Variants in SHC3 observed in about 807,000 individuals in gnomAD.
SHC3 encodes the protein SHC-transforming protein 3.
In SHC3, 15 loss-of-function variants were observed where a neutral mutation model predicts 60.4. The observed-to-expected ratio is 0.25, with a 90% CI of 0.17 to 0.38. The LOEUF (loss-of-function observed/expected upper bound fraction) is 0.38. Ranked by LOEUF, SHC3 falls within the 10% of genes least tolerant of loss-of-function variation. The pLI, the probability that SHC3 is intolerant of heterozygous loss-of-function variation, is 1.00. For missense variants in SHC3, 677 were observed against 786.1 expected (o/e 0.86, Z 1.66); for synonymous variants, 294 against 325.9 (o/e 0.90, Z 1.05).
chr9:89,066,110 A>G (rs962977855), intron 5 of SHC3, among the ~76,000 whole-genome samples: 2 of 152,172 alleles, frequency 1.3e-5, no homozygotes, highest in Non-Finnish European at 2.9e-5. Context: ...TGGTTCTCCA[A>G]TTTGAGCTGG....
chr9:89,081,617 C>G (rs573626561), intron 2 of SHC3, among the ~76,000 whole-genome samples: 2 of 152,146 alleles, frequency 1.3e-5, no homozygotes, highest in African/African-American at 2.4e-5. Flanking sequence ...ATCCCACCCC[C>G]CTAGTCCTTT....
intron 1 of SHC3, among the ~76,000 whole-genome samples, chr9:89,125,998 T>C (rs1342319331): frequency 1.3e-5 from 2 of 152,218 alleles, no homozygotes; most frequent in African/African-American, 4.8e-5. Context: ...TTGCTTCATA[T>C]TATTTCTTGT....
intron 3 of SHC3, among the ~76,000 whole-genome samples, chr9:89,077,109 G>A (rs992660032): frequency 4.0e-5 from 6 of 151,772 alleles, no homozygotes; most frequent in East Asian, 3.9e-4. Context: ...CCCAGGAGGC[G>A]GAGATTTCAG....
chr9:89,168,828 C>T (rs1826827505), intron 1 of SHC3, among the ~76,000 whole-genome samples: 1 of 152,164 alleles, frequency 6.6e-6, no homozygotes. Context: ...CTTGTCCAAT[C>T]AGTTGAGGGC....
intron 1 of SHC3, among the ~76,000 whole-genome samples, chr9:89,116,986 C>T (rs1174228874): frequency 6.6e-6 from 1 of 152,168 alleles, no homozygotes; most frequent in Non-Finnish European, 1.5e-5. Flanking sequence ...TGATGCCCTG[C>T]TCCTCTGTCA....
At chr9:89,132,078 A>G (rs1045049145) in intron 1 of SHC3, among the ~76,000 whole-genome samples, 7 of 152,222 alleles carry the variant, frequency 4.6e-5, no homozygotes, top group African/African-American at 1.7e-4. Flanking sequence ...ATACAAAATC[A>G]ATGTGCAAAA....
chr9:89,131,903 G>A (rs1321094461), intron 1 of SHC3, among the ~76,000 whole-genome samples: 1 of 152,092 alleles, frequency 6.6e-6, no homozygotes, highest in Non-Finnish European at 1.5e-5. Context: ...TGGAAGTTCT[G>A]GCCAGGGCAA....
intron 11 of SHC3, among the ~76,000 whole-genome samples, chr9:89,022,473 G>T (rs927582098): frequency 6.6e-6 from 1 of 152,156 alleles, no homozygotes; most frequent in Non-Finnish European, 1.5e-5. Flanking sequence ...CATTCACACT[G>T]TAGTCCAGCT....
chr9:89,099,489 T>C (rs1825752686), intron 2 of SHC3, among the ~76,000 whole-genome samples: 1 of 152,226 alleles, frequency 6.6e-6, no homozygotes, highest in Non-Finnish European at 1.5e-5. Flanking sequence ...GAATATTCCA[T>C]GATTATTTCC....
intron 7 of SHC3, among the ~76,000 whole-genome samples, chr9:89,050,284 G>A (rs1824841164): frequency 6.6e-6 from 1 of 152,084 alleles, no homozygotes. Flanking sequence ...TTTTGTTGTT[G>A]TTTGTGTGTT....
At chr9:89,068,797 T>C (rs1424596340) in intron 5 of SHC3, among the ~76,000 whole-genome samples, 2 of 152,220 alleles carry the variant, frequency 1.3e-5, no homozygotes, top group African/African-American at 4.8e-5. Context: ...ATGTGTGTCT[T>C]CACTCATAAT....
In SHC3 at chr9:89,011,116, T is replaced by G. The variant is rs35680553; in HGVS notation, c.*2331A>C. On this transcript the variant is annotated 3_prime_UTR_variant, in exon 12 of 12. Coordinates refer to ENST00000375835, the MANE Select transcript of SHC3 (RefSeq NM_016848.6). ...GCTCACTTCACTGGCACTATTCTAG[T>G]GTAACCAATATATAATCTGAGCTTA... is the stretch of plus-strand genomic sequence containing the variant. 11 of 152,286 alleles carry G rather than the reference T, an allele frequency of 7.2e-5. No homozygotes were observed. In the East Asian group the frequency reaches 1.9e-3, roughly 27 times the overall value. 9.4% of individuals were successfully genotyped at this position (152,286 alleles called of 1,614,324 possible).
chr9:89,119,127 G>C (rs1826056285), intron 1 of SHC3, among the ~76,000 whole-genome samples: 1 of 151,900 alleles, frequency 6.6e-6, no homozygotes, highest in Non-Finnish European at 1.5e-5. Context: ...AGTAGTTCTA[G>C]GTAACAGTAA....
chr9:89,150,280 T>C (rs1209609688), intron 1 of SHC3, among the ~76,000 whole-genome samples: 1 of 152,170 alleles, frequency 6.6e-6, no homozygotes, highest in Admixed American at 6.5e-5. Context: ...GTATTCACAA[T>C]GCTGTACAAC....
chr9:89,045,279 C>CT (rs35967148), intron 9 of SHC3, among the ~76,000 whole-genome samples: 16,644 of 122,242 alleles, frequency 0.14, 3,787 homozygotes, highest in African/African-American at 0.48. Context: ...AACACTGTTG[C>CT]TTTTTTTTTT....
chr9:89,065,138 C>CT (rs1248094221), intron 6 of SHC3, among the ~76,000 whole-genome samples: 1 of 152,174 alleles, frequency 6.6e-6, no homozygotes, highest in Non-Finnish European at 1.5e-5. Context: ...ACCTCTAGGG[C>CT]TGGCAGGGCA....
At chr9:89,117,799 T>C (rs1321503771) in intron 1 of SHC3, among the ~76,000 whole-genome samples, 1 of 152,162 alleles carries the variant, frequency 6.6e-6, no homozygotes, top group Non-Finnish European at 1.5e-5. Flanking sequence ...GTTTTTCATT[T>C]AGCTTTTCAA....
chr9:89,113,151 A>C (rs1480449878), intron 1 of SHC3, among the ~76,000 whole-genome samples: 2 of 152,234 alleles, frequency 1.3e-5, no homozygotes, highest in Non-Finnish European at 2.9e-5. Context: ...GATTACCCTC[A>C]AAGGTGATTT....
At chr9:89,156,187 T>C (rs1210707741) in intron 1 of SHC3, among the ~76,000 whole-genome samples, 1 of 152,154 alleles carries the variant, frequency 6.6e-6, no homozygotes, top group Admixed American at 6.5e-5. Context: ...CAATGTCATA[T>C]GGACACTCAA....
Sources: allele counts gnomAD v4.1 joint callset (sites outside exome capture counted in the v4.1 genomes callset), GRCh38; gene constraint gnomAD v4.1.1; transcripts MANE v1.5; gene names NCBI Gene and HGNC (gene_info 2026-07-23, HGNC 2026-07-21).